Variants in CTNNA2 observed in about 807,000 individuals in gnomAD.
The protein encoded by CTNNA2 is catenin alpha 2.
Under a neutral mutation model 101.0 loss-of-function variants are expected in CTNNA2, and 42 were observed. The ratio of observed to expected loss-of-function variants is 0.42; its 90% CI spans 0.32 to 0.54. The LOEUF (loss-of-function observed/expected upper bound fraction) is 0.54, where lower values mean the gene tolerates loss of function less well. Among genes scored for constraint, CTNNA2 ranks in the 20% least tolerant of loss-of-function variants. The pLI is 0.14. For synonymous variants in CTNNA2, 450 were observed against 456.4 expected (o/e 0.99, Z 0.18); for missense variants, 871 against 1,223.1 (o/e 0.71, Z 4.29).
intron 3 of CTNNA2, among the ~76,000 whole-genome samples, chr2:79,828,717 C>T (rs1678633159): frequency 1.3e-5 from 2 of 152,174 alleles, no homozygotes. Flanking sequence ...AATTATCTGC[C>T]ACATATTAGC....
At chr2:79,514,137 A>G (rs983260873) in intron 1 of CTNNA2, among the ~76,000 whole-genome samples, 10 of 152,200 alleles carry the variant, frequency 6.6e-5, no homozygotes, top group Non-Finnish European at 1.3e-4. Context: ...TATTTATGGA[A>G]TGTTTTGCTC....
At chr2:79,979,531 A>G (rs1378304454) in intron 7 of CTNNA2, among the ~76,000 whole-genome samples, 2 of 152,188 alleles carry the variant, frequency 1.3e-5, no homozygotes, top group Non-Finnish European at 2.9e-5. Context: ...TTTCAAACCT[A>G]AAATGTTTAG....
intron 7 of CTNNA2, among the ~76,000 whole-genome samples, chr2:79,994,077 TG>T (rs1406275446): frequency 6.6e-6 from 1 of 152,034 alleles, no homozygotes; most frequent in African/African-American, 2.4e-5. Context: ...CTAGCTATTT[TG>T]GGGTTTTTTT....
chr2:79,861,771 A>G (rs1681641022), intron 4 of CTNNA2, among the ~76,000 whole-genome samples: 1 of 152,196 alleles, frequency 6.6e-6, no homozygotes, highest in Admixed American at 6.5e-5. Context: ...ACAGTGGGTG[A>G]CTTAGAGTTC....
At chr2:79,735,693 G>T (rs1239634656) in intron 2 of CTNNA2, among the ~76,000 whole-genome samples, 1 of 152,108 alleles carries the variant, frequency 6.6e-6, no homozygotes, top group Admixed American at 6.5e-5. Flanking sequence ...GGCTTTCTTT[G>T]TAGCAGTAAT....
chr2:79,385,525 T>C (rs974884942), intron 4 of CTNNA2, among the ~76,000 whole-genome samples: 1 of 152,178 alleles, frequency 6.6e-6, no homozygotes, highest in Non-Finnish European at 1.5e-5. Context: ...TTTTATTTTA[T>C]TTTGTTTTAC....
rs1558697763 is a variant in CTNNA2, at chr2:79,982,299, T to TATAAAACATATATAACACAC, written c.1056+72505_1056+72506insAAACATATATAACACACATA. Among the ~76,000 whole-genome samples, 17 of 133,890 alleles carry TATAAAACATATATAACACAC rather than the reference T, an allele frequency of 1.3e-4. No individual in the cohort carries two copies. The East Asian group carries it at 1.7e-3, about 13-fold the overall frequency. The allele number at this position is 133,890 out of a possible 152,430, so 87.8% of individuals were successfully genotyped here. On this transcript the variant is annotated intron_variant, in intron 7 of 18. Transcript: ENST00000402739. Reference sequence around the variant, plus strand: ...TATAATATATATAACATATATAACATATATAAAACATATATAACATATATA... The same window carrying TATAAAACATATATAACACAC: ...TATAATATATATAACATATATAACATATAAAACATATATAACACACATATAAAACATATATAACATATATA...
chr2:80,578,603 T>A lies in CTNNA2; in HGVS notation c.1894-3103T>A, dbSNP rs184141065. ...CACAGAACTTTTTATATGGATGGGC[T>A]GGATGGGTTTGTTGCGTGTTTAAGG... On this transcript the variant is annotated intron_variant, in intron 13 of 18. Transcript: ENST00000402739. Among the ~76,000 whole-genome samples the A allele has an allele frequency of 1.7e-3, 264 of 152,330 alleles. 3 individuals are homozygous for A. The highest frequency in any genetic ancestry group is 5.6e-3 in the African/African-American group (234 of 41,568).
At chr2:79,902,623 C>T (rs1026802004) in intron 6 of CTNNA2, among the ~76,000 whole-genome samples, 12 of 150,404 alleles carry the variant, frequency 8.0e-5, no homozygotes, top group African/African-American at 3.0e-4. Context: ...ATGTTTTCTT[C>T]CTCTTCTTTT....
intron 18 of CTNNA2, among the ~76,000 whole-genome samples, chr2:80,633,785 A>G (rs767121131): frequency 1.3e-5 from 2 of 152,208 alleles, no homozygotes; most frequent in Non-Finnish European, 2.9e-5. Context: ...CCTAGCAAAC[A>G]TAATTCTGTG....
chr2:79,217,843 C>T (rs1025418097), intron 2 of CTNNA2, among the ~76,000 whole-genome samples: 1 of 152,202 alleles, frequency 6.6e-6, no homozygotes. Context: ...CCTATTTTCT[C>T]TCTCCCAGGT....
At chr2:80,142,052 G>C (rs1271638218) in intron 7 of CTNNA2, among the ~76,000 whole-genome samples, 1 of 152,066 alleles carries the variant, frequency 6.6e-6, no homozygotes, top group African/African-American at 2.4e-5. Flanking sequence ...CTGGAGGTCA[G>C]ATGTAATATT....
intron 7 of CTNNA2, among the ~76,000 whole-genome samples, chr2:80,221,188 C>A (rs1442815010): frequency 6.6e-6 from 1 of 152,142 alleles, no homozygotes; most frequent in African/African-American, 2.4e-5. Context: ...CAGCCCTTCC[C>A]GTTTTTATTA....
chr2:79,974,930 G>A (rs1690730134), intron 7 of CTNNA2, among the ~76,000 whole-genome samples: 2 of 152,130 alleles, frequency 1.3e-5, no homozygotes, highest in South Asian at 2.1e-4. Flanking sequence ...GACTTTCCAT[G>A]CAGATACCTG....
chr2:80,502,254 CA>C (rs1366403597), intron 9 of CTNNA2, among the ~76,000 whole-genome samples: 4 of 152,110 alleles, frequency 2.6e-5, no homozygotes, highest in Non-Finnish European at 5.9e-5. Flanking sequence ...TTTTCTCCTC[CA>C]GGAAGATTTT....
intron 7 of CTNNA2, among the ~76,000 whole-genome samples, chr2:80,130,682 T>A (rs1702364056): frequency 6.6e-6 from 1 of 152,128 alleles, no homozygotes; most frequent in South Asian, 2.1e-4. Context: ...AGAGAATACT[T>A]TAACTCAAAA....
At position 80,604,068 on chromosome 2, in the gene CTNNA2, T is replaced by C; in HGVS notation, c.2190-6T>C. 6.2e-7 allele frequency: 1 copy of C among 1,611,284 alleles called. No individual in the cohort carries two copies. Among genetic ancestry groups the C allele is most frequent in the South Asian group, 1.1e-5 (1 of 91,014 alleles). On this transcript the variant is annotated splice_polypyrimidine_tract_variant and splice_region_variant and intron_variant, in intron 15 of 18. Coordinates refer to ENST00000402739, the MANE Select transcript of CTNNA2 (RefSeq NM_001282597.3). Reference sequence around the variant, plus strand: ...ATTTCTAATTATGTTGTATATGTTGTTTCAGAGGCAAAGGCCCATTGAAAA... The same window carrying C: ...ATTTCTAATTATGTTGTATATGTTGCTTCAGAGGCAAAGGCCCATTGAAAA...
intron 2 of CTNNA2, among the ~76,000 whole-genome samples, chr2:79,677,952 TAAACA>T (rs1683297137): frequency 1.3e-5 from 2 of 152,312 alleles, no homozygotes; most frequent in African/African-American, 4.8e-5. Context: ...TAGATGAAAT[TAAACA>T]AAACAAAGCA....
At chr2:80,056,585 A>G (rs1019106912) in intron 7 of CTNNA2, among the ~76,000 whole-genome samples, 1 of 152,250 alleles carries the variant, frequency 6.6e-6, no homozygotes, top group African/African-American at 2.4e-5. Context: ...TTACCATACC[A>G]TAAACCATAT....
Sources: gnomAD v4.1 joint callset for allele counts (sites outside exome capture counted in the v4.1 genomes callset) on GRCh38, gnomAD v4.1.1 for gene constraint, MANE v1.5 for transcripts, NCBI Gene and HGNC (gene_info 2026-07-23, HGNC 2026-07-21) for gene names.